Variants in P3H2 observed in about 807,000 individuals in gnomAD.
P3H2 encodes the protein prolyl 3-hydroxylase 2.
Under a neutral mutation model 87.0 loss-of-function variants are expected in P3H2, and 80 were observed. That is an observed-to-expected ratio of 0.92 (90% CI 0.77 to 1.11). P3H2 has a LOEUF of 1.11. Ranked by LOEUF, P3H2 falls within the 50% of genes least tolerant of loss-of-function variation. The pLI is 0.00. For synonymous variants in P3H2, 367 were observed against 359.3 expected (o/e 1.02, Z -0.24); for missense variants, 1,001 against 923.9 (o/e 1.08, Z -1.08).
chr3:190,101,982 C>T (rs1029767778), intron 1 of P3H2, among the ~76,000 whole-genome samples: 1 of 152,278 alleles, frequency 6.6e-6, no homozygotes, highest in African/African-American at 2.4e-5. Flanking sequence ...ATCTACTATG[C>T]CTTTGCTCTA....
At chr3:189,992,221 A>C (rs1268123751) in intron 3 of P3H2, among the ~76,000 whole-genome samples, 2 of 151,972 alleles carry the variant, frequency 1.3e-5, no homozygotes, top group South Asian at 2.1e-4. Context: ...CAGCCTCCTA[A>C]GTAGCTGGGA....
At chr3:189,959,625 A>C (rs1340353810) in intron 14 of P3H2, among the ~76,000 whole-genome samples, 1 of 152,124 alleles carries the variant, frequency 6.6e-6, no homozygotes, top group Non-Finnish European at 1.5e-5. Context: ...TAACACTTTC[A>C]AAAGAATTCC....
chr3:190,025,990 T>C (rs1019885753), intron 1 of P3H2, among the ~76,000 whole-genome samples: 3 of 152,202 alleles, frequency 2.0e-5, no homozygotes, highest in African/African-American at 7.2e-5. Context: ...AGTTGCTAAC[T>C]TTATTTTGAT....
intron 1 of P3H2, among the ~76,000 whole-genome samples, chr3:190,002,857 T>C (rs2108929069): frequency 6.6e-6 from 1 of 152,296 alleles, no homozygotes; most frequent in African/African-American, 2.4e-5. Context: ...AAATATATAC[T>C]CCCATAGTAA....
chr3:190,034,978 C>A (rs533308042), intron 1 of P3H2, among the ~76,000 whole-genome samples: 2 of 150,894 alleles, frequency 1.3e-5, no homozygotes, highest in Non-Finnish European at 3.0e-5. Flanking sequence ...CCTCCTGAGT[C>A]GCTGGGATTA....
intron 8 of P3H2, among the ~76,000 whole-genome samples, chr3:189,980,055 G>T (rs924664728): frequency 6.6e-6 from 1 of 152,136 alleles, no homozygotes; most frequent in Non-Finnish European, 1.5e-5. Context: ...TCCATATCAC[G>T]CATGTTTCAT....
At chr3:190,054,196 G>A (rs1250113134) in intron 1 of P3H2, among the ~76,000 whole-genome samples, 1 of 152,128 alleles carries the variant, frequency 6.6e-6, no homozygotes, top group Non-Finnish European at 1.5e-5. Context: ...TTTTCTAAAT[G>A]CCTTATTTAT....
chr3:190,067,127 G>C (rs906964401), intron 1 of P3H2, among the ~76,000 whole-genome samples: 1 of 150,936 alleles, frequency 6.6e-6, no homozygotes, highest in Non-Finnish European at 1.5e-5. Flanking sequence ...TTACAGGTGT[G>C]AGCCACCACA....
chr3:190,104,539 T>C (rs1010038619), intron 1 of P3H2, among the ~76,000 whole-genome samples: 3 of 152,182 alleles, frequency 2.0e-5, no homozygotes, highest in African/African-American at 7.2e-5. Flanking sequence ...TGAACTACAG[T>C]GTAGAACACC....
At chr3:189,974,312 G>A in intron 9 of P3H2, 1 of 609,694 alleles carries the variant, frequency 1.6e-6, no homozygotes, top group South Asian at 2.0e-5. Flanking sequence ...TGATAGGCAG[G>A]GACCTTGCTA....
At chr3:190,076,408 A>C (rs1726878987) in intron 1 of P3H2, among the ~76,000 whole-genome samples, 1 of 152,176 alleles carries the variant, frequency 6.6e-6, no homozygotes, top group Non-Finnish European at 1.5e-5. Context: ...ACACTGGGCA[A>C]TTCTTCAGTA....
intron 1 of P3H2, among the ~76,000 whole-genome samples, chr3:190,110,660 A>T (rs838684): frequency 9.2e-5 from 14 of 152,118 alleles, no homozygotes; most frequent in Non-Finnish European, 1.3e-4. Flanking sequence ...ATTTGAGCTC[A>T]TTTTTAAAAA....
chr3:190,018,849 C>G (rs1274793258), intron 1 of P3H2, among the ~76,000 whole-genome samples: 3 of 152,118 alleles, frequency 2.0e-5, no homozygotes, highest in African/African-American at 7.2e-5. Flanking sequence ...TGTTGTACTC[C>G]TTTCTAAATT....
In P3H2 at chr3:189,972,901, G is replaced by C. The variant is rs142826976; in HGVS notation, c.1672C>G (p.His558Asp). 1.2e-6 allele frequency: 2 copies of C among 1,613,946 alleles called. No individual in the cohort carries two copies. The highest frequency in any genetic ancestry group is 1.7e-6 in the Non-Finnish European group (2 of 1,179,992). ...GACAGGGCTGTTCGGCAGACCATGT[G>C]TGTATAGGAAAAATACAGAGTTGAG... is the stretch of plus-strand genomic sequence containing the variant. Reference protein sequence around the residue: ...LNSTLYFSYTHMVCRTALSGQ... With the variant: ...LNSTLYFSYTDMVCRTALSGQ... The change falls in exon 11 of 15, where the codon CAC becomes GAC. Residue 558 changes from histidine to aspartate, a missense_variant. Coordinates refer to ENST00000319332, the MANE Select transcript of P3H2 (RefSeq NM_018192.4).
At chr3:190,003,944 T>C (rs146269293) in intron 1 of P3H2, among the ~76,000 whole-genome samples, 169 of 152,338 alleles carry the variant, frequency 1.1e-3, no homozygotes, top group Non-Finnish European at 2.0e-3. Context: ...ATTCTGAAGG[T>C]AGTTGTCATT....
intron 3 of P3H2, among the ~76,000 whole-genome samples, 178 bp from the exon 4 acceptor site, chr3:189,989,216 G>A (rs1164188596): frequency 1.3e-5 from 2 of 152,148 alleles, no homozygotes; most frequent in Admixed American, 1.3e-4. Flanking sequence ...GACTTGCCAA[G>A]GTCTCCTGGT....
chr3:190,120,177 G>A (rs552943433), intron 1 of P3H2, 75 bp downstream of exon 1: 23 of 1,522,434 alleles, frequency 1.5e-5, no homozygotes, highest in Non-Finnish European at 1.9e-5. Flanking sequence ...AGAGATGACG[G>A]GGGCAGCAGG....
rs1553874169 is a variant in P3H2, at chr3:189,995,556, G to GT, written c.481-115dup. ...TTTAAGAATGAAACTAGGAGCCTTGGTTTTTTTTTTTTTTATCAGACAGGC... is the reference window on the plus strand; with the variant it reads ...TTTAAGAATGAAACTAGGAGCCTTGGTTTTTTTTTTTTTTTATCAGACAGGC... On this transcript the variant is annotated intron_variant, in intron 1 of 14. Coordinates refer to ENST00000319332, the MANE Select transcript of P3H2 (RefSeq NM_018192.4). 216,660 of 827,188 alleles carry GT rather than the reference G, an allele frequency of 0.26. 9,545 individuals carry two copies. Among genetic ancestry groups the GT allele is most frequent in the East Asian group, 0.35 (11,263 of 32,198 alleles). 51.2% of individuals were successfully genotyped at this position (827,188 alleles called of 1,614,324 possible). A position where few individuals can be genotyped will look rare whatever the true frequency, so the allele number is the denominator to read the frequency against.
intron 1 of P3H2, among the ~76,000 whole-genome samples, chr3:190,020,491 A>G (rs1195295311): frequency 7.5e-6 from 1 of 134,202 alleles, no homozygotes; most frequent in East Asian, 2.5e-4. Flanking sequence ...AACTTCAAAG[A>G]AGCCACGATC....
Sources: allele counts gnomAD v4.1 joint callset (sites outside exome capture counted in the v4.1 genomes callset), GRCh38; gene constraint gnomAD v4.1.1; transcripts MANE v1.5; gene names NCBI Gene and HGNC (gene_info 2026-07-23, HGNC 2026-07-21).